MKX: variants seen among roughly 807,000 people sequenced by gnomAD.
MKX encodes mohawk homeobox.
A neutral mutation model predicts 36.0 loss-of-function variants in MKX; 13 were observed. That is an observed-to-expected ratio of 0.36 (90% confidence interval 0.24 to 0.57). The LOEUF (loss-of-function observed/expected upper bound fraction) is 0.57, where lower values mean the gene tolerates loss of function less well. Ranked by LOEUF, MKX falls within the 20% of genes least tolerant of loss-of-function variation. The pLI, the probability that MKX is intolerant of heterozygous loss-of-function variation, is 0.79. For missense variants in MKX, 458 were observed against 456.4 expected (o/e 1.00, Z -0.03); for synonymous variants, 176 against 178.3 (o/e 0.99, Z 0.10).
chr10:27,707,015 C>T (rs1306233806), intron 5 of MKX, among the ~76,000 whole-genome samples: 1 of 152,184 alleles, frequency 6.6e-6, no homozygotes, highest in Non-Finnish European at 1.5e-5. Flanking sequence ...GCGTCAGCCC[C>T]AACTCACAGA....
intron 5 of MKX, among the ~76,000 whole-genome samples, chr10:27,728,351 C>T (rs1055265308): frequency 3.9e-5 from 6 of 152,200 alleles, no homozygotes; most frequent in Non-Finnish European, 4.4e-5. Context: ...AAGCTACCCC[C>T]CAAAACGAAA....
intron 5 of MKX, among the ~76,000 whole-genome samples, chr10:27,699,674 C>T (rs2815571): frequency 0.78 from 118,469 of 152,098 alleles, 46,344 homozygotes; most frequent in Admixed American, 0.83. Context: ...TTGGCTTCCA[C>T]ACGCGCCTTC....
chr10:27,712,966 T>C (rs1836899335), intron 5 of MKX, among the ~76,000 whole-genome samples: 1 of 152,132 alleles, frequency 6.6e-6, no homozygotes, highest in Non-Finnish European at 1.5e-5. Flanking sequence ...TAAAGTCATA[T>C]GAATTGCTGT....
intron 5 of MKX, among the ~76,000 whole-genome samples, chr10:27,698,216 A>T (rs1244954846): frequency 6.6e-6 from 1 of 152,230 alleles, no homozygotes; most frequent in African/African-American, 2.4e-5. Flanking sequence ...AGCAGAGACC[A>T]GGCATTGAGG....
rs185321312 is a variant in MKX at position 27,730,775 on chromosome 10, T to G, written c.838+3681A>C. Among the ~76,000 whole-genome samples, 416 of 151,670 alleles carry G rather than the reference T, an allele frequency of 2.7e-3. 5 individuals are homozygous for G. Among genetic ancestry groups the G allele is most frequent in the Non-Finnish European group, 1.7e-3 (118 of 67,850 alleles). ...GCCCGGCCTCAATTGGCTATTTGAT[T>G]CCATATATTTAATAAAACTCATCAC... is the stretch of plus-strand genomic sequence containing the variant. On this transcript the variant is annotated intron_variant, in intron 5 of 6. Coordinates refer to ENST00000419761, the MANE Select transcript of MKX (RefSeq NM_173576.3).
At chr10:27,676,380 C>CTTTT (rs1176984277) in intron 5 of MKX, among the ~76,000 whole-genome samples, 1 of 127,792 alleles carries the variant, frequency 7.8e-6, no homozygotes, top group Non-Finnish European at 1.6e-5. Context: ...TTTTCTTTTT[C>CTTTT]TTTTTTTTTT....
intron 5 of MKX, among the ~76,000 whole-genome samples, chr10:27,694,694 CAA>C (rs59324478): frequency 2.6e-5 from 3 of 114,514 alleles, no homozygotes; most frequent in Admixed American, 9.7e-5. Context: ...GACTCTGTCT[CAA>C]AAAAAAAAAA....
intron 5 of MKX, among the ~76,000 whole-genome samples, chr10:27,706,033 C>CA (rs2132534256): frequency 6.6e-6 from 1 of 152,274 alleles, no homozygotes; most frequent in African/African-American, 2.4e-5. Flanking sequence ...TATCACTCCT[C>CA]ATTCCTCCCT....
At position 27,711,483 on chromosome 10, in the gene MKX, C is replaced by CTTTCTTTCTTTTTCTT. The variant is rs1391922537; in HGVS notation, c.838+22972_838+22973insAAGAAAAAGAAAGAAA. 5.5e-3 allele frequency among the ~76,000 whole-genome samples: 346 copies of CTTTCTTTCTTTTTCTT among 63,214 alleles called. 17 individuals are homozygous for CTTTCTTTCTTTTTCTT. The highest frequency in any genetic ancestry group is 0.018 in the African/African-American group (319 of 17,274). The allele number at this position is 63,214 out of a possible 152,430, so 41.5% of individuals were successfully genotyped here. On this transcript the variant is annotated intron_variant, in intron 5 of 6. Coordinates refer to ENST00000419761, the MANE Select transcript of MKX (RefSeq NM_173576.3). ...TCTTTCTTTCTTTCTTTCTTTCTTT[C>CTTTCTTTCTTTTTCTT]TCTCTCTCTCTCTTCTTTCCTTCCT...
intron 3 of MKX, among the ~76,000 whole-genome samples, chr10:27,740,454 T>C (rs1834868653): frequency 6.6e-6 from 1 of 152,236 alleles, no homozygotes; most frequent in African/African-American, 2.4e-5. Context: ...GCATTTGGTC[T>C]GGAATTATTT....
rs1216108893 is a variant in MKX, at chr10:27,673,161, T to A, written c.*2068A>T. ...TACCAAGGATGTGCTTACTATAAAGTCTTCTTGACATGTTAATTATAAAAT... is the reference window on the plus strand; with the variant it reads ...TACCAAGGATGTGCTTACTATAAAGACTTCTTGACATGTTAATTATAAAAT... On this transcript the variant is annotated 3_prime_UTR_variant, in exon 7 of 7. Transcript: ENST00000419761. 1 of 152,174 alleles carries A rather than the reference T, an allele frequency of 6.6e-6. No individual in the cohort carries two copies. Among genetic ancestry groups the A allele is most frequent in the Non-Finnish European group, 1.5e-5 (1 of 68,028 alleles). 9.4% of individuals were successfully genotyped at this position (152,174 alleles called of 1,614,324 possible).
At chr10:27,682,416 TGTAGA>T (rs1370133590) in intron 5 of MKX, among the ~76,000 whole-genome samples, 2 of 152,330 alleles carry the variant, frequency 1.3e-5, no homozygotes, top group Admixed American at 6.5e-5. Context: ...TCTACAGTAA[TGTAGA>T]GTAATGTCCT....
At chr10:27,691,362 C>A (rs897045052) in intron 5 of MKX, among the ~76,000 whole-genome samples, 2 of 152,028 alleles carry the variant, frequency 1.3e-5, no homozygotes, top group African/African-American at 4.8e-5. Context: ...ATGGTGTGGG[C>A]CATTCAAAAT....
At position 27,741,298 on chromosome 10, in the gene MKX, A is replaced by C; in HGVS notation, c.348+47T>G. The C allele has an allele frequency of 6.2e-7, 1 of 1,604,776 alleles. No individual in the cohort carries two copies. Among genetic ancestry groups the C allele is most frequent in the Non-Finnish European group, 8.5e-7 (1 of 1,176,008 alleles). On this transcript the variant is annotated intron_variant, in intron 3 of 6. Coordinates refer to ENST00000419761, the MANE Select transcript of MKX (RefSeq NM_173576.3). The surrounding 1 kb of genome is among the most constrained non-coding windows in gnomAD (Gnocchi z 5.1). ...CGAACTCTAAGCGTTCCCGCTCTTC[A>C]GCCCCTCGCGGGAAAACGGATCAGG... is the stretch of plus-strand genomic sequence containing the variant.
chr10:27,673,624 T>C lies in MKX; in HGVS notation c.*1605A>G, dbSNP rs1429484580. On this transcript the variant is annotated 3_prime_UTR_variant, in exon 7 of 7. Transcript: ENST00000419761. ...CTTACTGTTACTGCAAACAGCAATT[T>C]AGAAAACAAAGTAAAAATATATATA... 6.6e-6 allele frequency: 1 copy of C among 151,488 alleles called. No homozygotes were observed. The highest frequency in any genetic ancestry group is 1.5e-5 in the Non-Finnish European group (1 of 67,946). 9.4% of individuals were successfully genotyped at this position (151,488 alleles called of 1,614,324 possible).
intron 5 of MKX, among the ~76,000 whole-genome samples, chr10:27,701,835 A>G (rs61845304): frequency 0.032 from 320 of 9,996 alleles, 2 homozygotes; most frequent in South Asian, 0.21. Context: ...GTGTATATAT[A>G]TATATATATA....
intron 5 of MKX, among the ~76,000 whole-genome samples, chr10:27,686,678 T>G (rs535620630): frequency 1.3e-5 from 2 of 152,262 alleles, no homozygotes; most frequent in Non-Finnish European, 2.9e-5. Flanking sequence ...GGTTTCATCA[T>G]GTTGGCCAGG....
chr10:27,683,626 G>T (rs1409303941), intron 5 of MKX, among the ~76,000 whole-genome samples: 2 of 152,224 alleles, frequency 1.3e-5, no homozygotes, highest in Non-Finnish European at 2.9e-5. Context: ...CTGTGCTTCT[G>T]CACACCTATT....
intron 5 of MKX, among the ~76,000 whole-genome samples, chr10:27,706,370 T>C (rs976712092): frequency 1.5e-4 from 23 of 152,332 alleles, no homozygotes; most frequent in African/African-American, 5.5e-4. Flanking sequence ...TTTCAGTCCC[T>C]GACTTTAACT....
Sources: gnomAD v4.1 joint callset for allele counts (sites outside exome capture counted in the v4.1 genomes callset) on GRCh38, gnomAD v4.1.1 for gene constraint, Gnocchi (gnomAD v3.1) non-coding constraint, MANE v1.5 for transcripts, NCBI Gene and HGNC (gene_info 2026-07-23, HGNC 2026-07-21) for gene names.